MYO5B: variants seen among roughly 807,000 people sequenced by gnomAD.
MYO5B encodes the protein myosin VB.
A neutral mutation model predicts 229.3 loss-of-function variants in MYO5B; 143 were observed. The observed-to-expected ratio is 0.62, with a 90% CI of 0.54 to 0.72. The LOEUF (loss-of-function observed/expected upper bound fraction) is 0.72. Ranked by LOEUF, MYO5B falls within the 30% of genes least tolerant of loss-of-function variation. The pLI is 0.00. For missense variants in MYO5B, 2,321 were observed against 2,331.0 expected (o/e 1.00, Z 0.09); for synonymous variants, 918 against 885.2 (o/e 1.04, Z -0.66).
intron 10 of MYO5B, among the ~76,000 whole-genome samples, chr18:49,967,730 G>A (rs1434452490): frequency 6.6e-6 from 1 of 152,118 alleles, no homozygotes; most frequent in African/African-American, 2.4e-5. Flanking sequence ...AGGCCACCCT[G>A]GGTCTGTCAG....
intron 17 of MYO5B, among the ~76,000 whole-genome samples, chr18:49,925,938 G>C (rs997421152): frequency 1.3e-5 from 2 of 152,180 alleles, no homozygotes; most frequent in African/African-American, 2.4e-5. Flanking sequence ...GAGACTGCAG[G>C]GTAGACTGGG....
At chr18:49,912,328 C>G (rs2024967638) in intron 17 of MYO5B, among the ~76,000 whole-genome samples, 155 bp from the exon 18 acceptor site, 1 of 152,122 alleles carries the variant, frequency 6.6e-6, no homozygotes, top group Non-Finnish European at 1.5e-5. Flanking sequence ...GTTTTGTCCT[C>G]CCCAGTGCCC....
rs916133568 is a variant in MYO5B at position 49,897,058 on chromosome 18, C to T, written c.2812-1884G>A. Reference sequence around the variant, plus strand: ...CTATGGAGAACCCTGGAGAGTTGCCCGAGTCTCTGGCTGTCTGGGGTGTGG... The same window carrying T: ...CTATGGAGAACCCTGGAGAGTTGCCTGAGTCTCTGGCTGTCTGGGGTGTGG... On this transcript the variant is annotated intron_variant, in intron 21 of 39. Coordinates refer to ENST00000285039, the MANE Select transcript of MYO5B (RefSeq NM_001080467.3). 5.9e-5 allele frequency among the ~76,000 whole-genome samples: 9 copies of T among 152,122 alleles called. No individual in the cohort carries two copies. The South Asian group carries it at 8.3e-4, about 14-fold the overall frequency.
intron 14 of MYO5B, among the ~76,000 whole-genome samples, chr18:49,948,544 C>T (rs1232333802): frequency 1.3e-5 from 2 of 152,176 alleles, no homozygotes; most frequent in African/African-American, 4.8e-5. Flanking sequence ...ACATCTTAAA[C>T]AGGAAGCAAA....
rs1329134422 is a variant in MYO5B at position 49,894,929 on chromosome 18, G to A, written c.3045+12C>T. ...CTGCTTGCCAGCGCCTGCCCCTCTG[G>A]CCTGAGCATACCTTCCTCAGCTCAT... On this transcript the variant is annotated intron_variant, in intron 22 of 39. Coordinates refer to ENST00000285039, the MANE Select transcript of MYO5B (RefSeq NM_001080467.3). 5 of 1,609,860 alleles carry A rather than the reference G, an allele frequency of 3.1e-6. No homozygotes were observed. The highest frequency in any genetic ancestry group is 1.3e-5 in the African/African-American group (1 of 75,000).
At chr18:49,956,987 G>A (rs1174734463) in intron 12 of MYO5B, among the ~76,000 whole-genome samples, 1 of 151,912 alleles carries the variant, frequency 6.6e-6, no homozygotes, top group Non-Finnish European at 1.5e-5. Context: ...AATTGACTGT[G>A]GTTGGTAATG....
intron 2 of MYO5B, among the ~76,000 whole-genome samples, chr18:50,040,562 T>C (rs1314398755): frequency 3.3e-5 from 5 of 152,240 alleles, no homozygotes; most frequent in Admixed American, 3.3e-4. Flanking sequence ...GAGTGTTCTA[T>C]TGCTTCTTAA....
In MYO5B at chr18:49,960,155, T is replaced by C. The variant is rs191394512; in HGVS notation, c.1545+2111A>G. 6.6e-5 allele frequency among the ~76,000 whole-genome samples: 10 copies of C among 152,314 alleles called. No homozygotes were observed. The East Asian group carries it at 1.3e-3, about 21-fold the overall frequency. The stretch of plus-strand genomic sequence containing the variant: ...CCCAGCTCACTACCCTGCCTGCCAC[T>C]GCACAGCTTCCCCAAGAAAAGTGAT... On this transcript the variant is annotated intron_variant, in intron 12 of 39. Transcript: ENST00000285039.
intron 1 of MYO5B, among the ~76,000 whole-genome samples, chr18:50,096,250 T>TA (rs1472364062): frequency 6.6e-6 from 1 of 152,200 alleles, no homozygotes; most frequent in Non-Finnish European, 1.5e-5. Flanking sequence ...GGGCTGCAAC[T>TA]AGGCATTTTG....
intron 38 of MYO5B, among the ~76,000 whole-genome samples, chr18:49,835,983 ATGTT>A (rs2023982519): frequency 6.6e-6 from 1 of 152,226 alleles, no homozygotes. Context: ...GAGAAGAAAA[ATGTT>A]TGAAGACTTT....
chr18:49,900,647 T>G (rs560135810), intron 21 of MYO5B, among the ~76,000 whole-genome samples: 2 of 152,318 alleles, frequency 1.3e-5, no homozygotes, highest in South Asian at 2.1e-4. Context: ...CAGTATAGAA[T>G]AGATACATTA....
At chr18:50,034,219 T>C (rs546455066) in intron 4 of MYO5B, among the ~76,000 whole-genome samples, 2 of 152,376 alleles carry the variant, frequency 1.3e-5, no homozygotes, top group East Asian at 1.9e-4. Context: ...CAATGACTAC[T>C]GATGAGTCAG....
chr18:49,959,676 C>T (rs188521796), intron 12 of MYO5B, among the ~76,000 whole-genome samples: 259 of 152,314 alleles, frequency 1.7e-3, no homozygotes, highest in African/African-American at 6.0e-3. Flanking sequence ...CTTGATACAG[C>T]GCCTGGGCTT....
intron 1 of MYO5B, among the ~76,000 whole-genome samples, chr18:50,082,106 T>C (rs999522282): frequency 6.6e-6 from 1 of 152,256 alleles, no homozygotes; most frequent in Non-Finnish European, 1.5e-5. Flanking sequence ...TGTCTTTTTA[T>C]CATAGATTAA....
chr18:50,149,127 G>A (rs1170564768), intron 1 of MYO5B, among the ~76,000 whole-genome samples: 1 of 152,170 alleles, frequency 6.6e-6, no homozygotes, highest in Non-Finnish European at 1.5e-5. Context: ...TACCTTACAA[G>A]GGACATGAAG....
intron 26 of MYO5B, 118 bp from the exon 27 acceptor site, chr18:49,872,350 A>C (rs1598847442): frequency 1.1e-6 from 1 of 931,454 alleles, no homozygotes; most frequent in South Asian, 1.3e-5. Flanking sequence ...CAACACCCCC[A>C]CCCTCCACAA....
chr18:49,883,566 C>G (rs985920704), intron 22 of MYO5B, among the ~76,000 whole-genome samples: 1 of 152,206 alleles, frequency 6.6e-6, no homozygotes, highest in Non-Finnish European at 1.5e-5. Flanking sequence ...AATTCATCTA[C>G]AGATTCAATG....
chr18:49,897,939 A>C (rs1485141371), intron 21 of MYO5B, among the ~76,000 whole-genome samples: 29 of 152,202 alleles, frequency 1.9e-4, no homozygotes, highest in Admixed American at 1.9e-3. Flanking sequence ...TAAGTGCCCT[A>C]TACGGGTGTG....
intron 4 of MYO5B, among the ~76,000 whole-genome samples, chr18:50,022,723 G>A (rs2026290115): frequency 6.6e-6 from 1 of 152,190 alleles, no homozygotes; most frequent in South Asian, 2.1e-4. Flanking sequence ...AATTCAGGAT[G>A]TAAAGTGACA....
Sources: allele counts gnomAD v4.1 joint callset (sites outside exome capture counted in the v4.1 genomes callset), GRCh38; gene constraint gnomAD v4.1.1; transcripts MANE v1.5; gene names NCBI Gene and HGNC (gene_info 2026-07-23, HGNC 2026-07-21).